The following LIPI variants were observed in gnomAD, a reference collection of about 807,000 sequenced individuals.
LIPI encodes the protein lipase I, also known as lipase member I.
LIPI carries 59 observed loss-of-function variants against 50.6 expected under a neutral mutation model. The observed-to-expected ratio is 1.16, with a 90% confidence interval of 0.94 to 1.45. The LOEUF (loss-of-function observed/expected upper bound fraction) is 1.45, where lower values mean the gene tolerates loss of function less well. Among genes scored for constraint, LIPI ranks in the 40% most tolerant of loss-of-function variants. The probability of loss-of-function intolerance (pLI) is 0.00; values close to 1 mark genes in which losing one functional copy is unlikely to be tolerated. For synonymous variants in LIPI, 203 were observed against 178.2 expected (o/e 1.14, Z -1.11); for missense variants, 586 against 536.3 (o/e 1.09, Z -0.92).
At chr21:14,154,433 G>A (rs904060719) in intron 7 of LIPI, among the ~76,000 whole-genome samples, 1 of 151,958 alleles carries the variant, frequency 6.6e-6, no homozygotes, top group African/African-American at 2.4e-5. Flanking sequence ...CTACTACTAG[G>A]ATATACTTCA....
chr21:14,181,236 A>G (rs193295013), intron 4 of LIPI, among the ~76,000 whole-genome samples: 83 of 152,294 alleles, frequency 5.4e-4, no homozygotes, highest in Non-Finnish European at 6.2e-4. Context: ...GTTCAATTGT[A>G]CTCTGGCCAA....
At chr21:14,136,766 C>A (rs1400754663) in intron 9 of LIPI, among the ~76,000 whole-genome samples, 1 of 152,082 alleles carries the variant, frequency 6.6e-6, no homozygotes, top group African/African-American at 2.4e-5. Context: ...TTGGGCAAGA[C>A]CCAGTGCTGT....
intron 1 of LIPI, among the ~76,000 whole-genome samples, chr21:14,205,734 AG>A (rs2020207633): frequency 6.6e-6 from 1 of 152,128 alleles, no homozygotes; most frequent in Non-Finnish European, 1.5e-5. Context: ...GAGAAAAAAT[AG>A]ATTTAATAGA....
chr21:14,207,048 G>A (rs1486521882), intron 1 of LIPI: 1 of 711,962 alleles, frequency 1.4e-6, no homozygotes, highest in Non-Finnish European at 2.6e-6. Context: ...TACGAAGACA[G>A]TGGCTTCTAT....
intron 1 of LIPI, among the ~76,000 whole-genome samples, chr21:14,196,831 C>T (rs370193186): frequency 6.6e-6 from 1 of 151,880 alleles, no homozygotes; most frequent in Non-Finnish European, 1.5e-5. Context: ...ATCTCAACAA[C>T]AACAACAAAA....
chr21:14,210,375 C>A (rs539499291), intron 1 of LIPI, among the ~76,000 whole-genome samples: 5 of 151,944 alleles, frequency 3.3e-5, no homozygotes, highest in Non-Finnish European at 7.4e-5. Flanking sequence ...GTTTGTTTTG[C>A]AATCGATAAT....
intron 1 of LIPI, among the ~76,000 whole-genome samples, chr21:14,204,340 A>G (rs1451282399): frequency 6.6e-6 from 1 of 151,934 alleles, no homozygotes; most frequent in Non-Finnish European, 1.5e-5. Context: ...GAAGGAAAAG[A>G]AAACAGAAAG....
At chr21:14,187,314 A>G (rs2123272257) in intron 2 of LIPI, among the ~76,000 whole-genome samples, 1 of 152,242 alleles carries the variant, frequency 6.6e-6, no homozygotes, top group East Asian at 1.9e-4. Flanking sequence ...CCACACAGTG[A>G]TATGTCTGAT....
chr21:14,153,439 T>C (rs1568852888), intron 7 of LIPI, among the ~76,000 whole-genome samples: 2 of 152,202 alleles, frequency 1.3e-5, no homozygotes. Flanking sequence ...CCCATATAAA[T>C]GGGCATTCAG....
intron 4 of LIPI, among the ~76,000 whole-genome samples, chr21:14,168,964 A>T (rs1305611993): frequency 6.6e-6 from 1 of 151,002 alleles, no homozygotes; most frequent in Non-Finnish European, 1.5e-5. Context: ...TATTCAGGAA[A>T]CCCATCTCAA....
In LIPI at chr21:14,166,364, G is replaced by C; in HGVS notation, c.731C>G (p.Ser244Ter). The part of the protein sequence containing the change: ...KQPGCPKSIF[S>*]GIQFIKCNHQ... Reference sequence around the variant, plus strand: ...ATTCAAAAATACTGTCAGTATACCTGAGAAAATTGATTTAGGACAGCCAGG... The same window carrying C: ...ATTCAAAAATACTGTCAGTATACCTCAGAAAATTGATTTAGGACAGCCAGG... The change falls in exon 5 of 10, where the codon TCA (serine) becomes TGA (stop). Residue 244 changes from serine to a stop codon, truncating the protein, a stop_gained and splice_region_variant. Transcript: ENST00000681601. LOFTEE classifies it high-confidence loss of function. 1 of 1,528,912 alleles carries C rather than the reference G, an allele frequency of 6.5e-7. No individual in the cohort carries two copies. The highest frequency in any genetic ancestry group is 9.1e-7 in the Non-Finnish European group (1 of 1,102,640). The allele number at this position is 1,528,912 out of a possible 1,614,324, so 94.7% of individuals were successfully genotyped here. A position where few individuals can be genotyped will look rare whatever the true frequency, so the allele number is the denominator to read the frequency against.
At chr21:14,191,409 T>C (rs1414325355) in intron 1 of LIPI, among the ~76,000 whole-genome samples, 6 of 147,566 alleles carry the variant, frequency 4.1e-5, no homozygotes, top group Non-Finnish European at 9.0e-5. Flanking sequence ...TGGAAATATA[T>C]AAAGTAGAAA....
At chr21:14,163,599 A>C in intron 6 of LIPI, 76 bp from the exon 7 acceptor site, 1 of 789,124 alleles carries the variant, frequency 1.3e-6, no homozygotes, top group South Asian at 1.4e-5. Context: ...TAAAGTAACT[A>C]AAAGATCAGT....
In LIPI at chr21:14,194,754, C is replaced by G. The variant is rs189864540; in HGVS notation, c.47-5335G>C. Among the ~76,000 whole-genome samples, 4 of 152,240 alleles carry G rather than the reference C, an allele frequency of 2.6e-5. No individual in the cohort carries two copies. In the East Asian group the frequency reaches 7.7e-4, roughly 29 times the overall value. ...ATGGATGATGATCATGGTTGCATGA[C>G]AGTGTGCATGCAGTTAATGCCACTA... On this transcript the variant is annotated intron_variant, in intron 1 of 9. Coordinates refer to ENST00000681601, the MANE Select transcript of LIPI (RefSeq NM_001302998.2).
At chr21:14,132,813 G>A (rs1195121367) in intron 9 of LIPI, among the ~76,000 whole-genome samples, 1 of 151,996 alleles carries the variant, frequency 6.6e-6, no homozygotes, top group African/African-American at 2.4e-5. Context: ...AAGAAAAAAG[G>A]GATATTACAA....
In LIPI at chr21:14,181,869, A is replaced by C. The variant is rs776066059; in HGVS notation, c.542-10T>G. The C allele has an allele frequency of 7.3e-6, 11 of 1,514,258 alleles. No homozygotes were observed. Among genetic ancestry groups the C allele is most frequent in the Non-Finnish European group, 1.0e-5 (11 of 1,090,470 alleles). The allele number at this position is 1,514,258 out of a possible 1,614,324, so 93.8% of individuals were successfully genotyped here. Reference sequence around the variant, plus strand: ...CCAGCAGGGTCAAGACCTGGAAAGCAAGAAAGAAATAATCAGTCTCATCAA... The same window carrying C: ...CCAGCAGGGTCAAGACCTGGAAAGCCAGAAAGAAATAATCAGTCTCATCAA... On this transcript the variant is annotated splice_polypyrimidine_tract_variant and intron_variant, in intron 3 of 9. Coordinates refer to ENST00000681601, the MANE Select transcript of LIPI (RefSeq NM_001302998.2).
intron 7 of LIPI, among the ~76,000 whole-genome samples, chr21:14,153,958 T>G (rs1355607202): frequency 6.6e-6 from 1 of 152,170 alleles, no homozygotes; most frequent in Non-Finnish European, 1.5e-5. Flanking sequence ...CAAATTTACA[T>G]TAAAATGCTT....
chr21:14,133,356 A>T (rs1414648675), intron 9 of LIPI, among the ~76,000 whole-genome samples: 1 of 152,242 alleles, frequency 6.6e-6, no homozygotes, highest in African/African-American at 2.4e-5. Flanking sequence ...TAACTATGAC[A>T]TATCACATAA....
chr21:14,118,061 T>C (rs1192565484), intron 9 of LIPI, among the ~76,000 whole-genome samples: 3 of 151,380 alleles, frequency 2.0e-5, no homozygotes, highest in Non-Finnish European at 2.9e-5. Flanking sequence ...AAAGAGGGCA[T>C]TGGAAAGATG....
Sources: allele counts gnomAD v4.1 joint callset (sites outside exome capture counted in the v4.1 genomes callset), GRCh38; gene constraint gnomAD v4.1.1; transcripts MANE v1.5; gene names NCBI Gene and HGNC (gene_info 2026-07-23, HGNC 2026-07-21).